B3GALT1: variants seen among roughly 807,000 people sequenced by gnomAD.
The protein encoded by B3GALT1 is beta-1,3-galactosyltransferase 1.
Under a neutral mutation model 23.2 loss-of-function variants are expected in B3GALT1, and 10 were observed. The observed-to-expected ratio is 0.43, with a 90% CI of 0.27 to 0.73. The LOEUF (loss-of-function observed/expected upper bound fraction) is 0.73, where lower values mean the gene tolerates loss of function less well. Among genes scored for constraint, B3GALT1 ranks in the 30% least tolerant of loss-of-function variants. The pLI, the probability that B3GALT1 is intolerant of heterozygous loss-of-function variation, is 0.21. For synonymous variants in B3GALT1, 156 were observed against 141.5 expected, an observed-to-expected ratio of 1.10 and a Z score of -0.73; for missense variants, 299 against 405.4, an observed-to-expected ratio of 0.74 and a Z score of 2.25.
intron 2 of B3GALT1, among the ~76,000 whole-genome samples, chr2:167,539,448 C>T (rs1683497222): frequency 6.6e-6 from 1 of 152,136 alleles, no homozygotes; most frequent in Non-Finnish European, 1.5e-5. Flanking sequence ...CTCAAATAAA[C>T]CCTGAATAAT....
At chr2:167,674,912 C>T (rs1309630239) in intron 3 of B3GALT1, among the ~76,000 whole-genome samples, 3 of 152,052 alleles carry the variant, frequency 2.0e-5, no homozygotes, top group Non-Finnish European at 2.9e-5. Context: ...TACAAAAAGG[C>T]AAAACTGTAA....
At chr2:167,667,486 G>C (rs1425828254) in intron 3 of B3GALT1, among the ~76,000 whole-genome samples, 1 of 152,052 alleles carries the variant, frequency 6.6e-6, no homozygotes, top group East Asian at 1.9e-4. Flanking sequence ...TCCTGAATCT[G>C]AATGTTGGCC....
chr2:167,707,492 G>T lies in B3GALT1; in HGVS notation c.-352+60526G>T, dbSNP rs906024562. On this transcript the variant is annotated intron_variant, in intron 3 of 4. Coordinates refer to ENST00000392690, the MANE Select transcript of B3GALT1 (RefSeq NM_020981.4). ...GTTCTTTCCTGTATACTCTGCAGAA[G>T]AATTTATTTTTCTTATTTTTTTTTT... Among the ~76,000 whole-genome samples, 6 of 131,990 alleles carry T rather than the reference G, an allele frequency of 4.5e-5. No homozygotes were observed. The South Asian group carries it at 1.7e-3, about 38-fold the overall frequency. 86.6% of individuals were successfully genotyped at this position (131,990 alleles called of 152,430 possible).
At chr2:167,714,128 C>T in intron 3 of B3GALT1, 1 of 1,526,508 alleles carries the variant, frequency 6.6e-7, no homozygotes, top group Non-Finnish European at 9.1e-7. Flanking sequence ...TTTATCCAAA[C>T]AAGGCATATT....
intron 1 of B3GALT1, among the ~76,000 whole-genome samples, chr2:167,361,742 C>A (rs1697502935): frequency 6.6e-6 from 1 of 152,116 alleles, no homozygotes; most frequent in Non-Finnish European, 1.5e-5. Flanking sequence ...TTGTTTATCT[C>A]TTTTTTGTTT....
At chr2:167,370,749 A>T (rs2105269264) in intron 1 of B3GALT1, among the ~76,000 whole-genome samples, 1 of 152,216 alleles carries the variant, frequency 6.6e-6, no homozygotes, top group Admixed American at 6.5e-5. Context: ...ACATAGTGAA[A>T]TCTCGTCTCT....
At chr2:167,630,507 ATTG>A (rs1685420890) in intron 2 of B3GALT1, among the ~76,000 whole-genome samples, 1 of 151,742 alleles carries the variant, frequency 6.6e-6, no homozygotes, top group South Asian at 2.1e-4. Flanking sequence ...TTTGACAATT[ATTG>A]TTAATTTTTT....
chr2:167,618,468 A>G (rs111341255), intron 2 of B3GALT1, among the ~76,000 whole-genome samples: 2,453 of 152,078 alleles, frequency 0.016, 82 homozygotes, highest in African/African-American at 0.055. Context: ...GGATACCTCT[A>G]TATGTATTTC....
intron 3 of B3GALT1, among the ~76,000 whole-genome samples, chr2:167,720,002 C>T (rs1311886551): frequency 5.9e-5 from 9 of 151,898 alleles, no homozygotes; most frequent in East Asian, 1.9e-4. Context: ...GAGATACAAC[C>T]GCTGCACTTG....
At chr2:167,561,619 G>T (rs1490708937) in intron 2 of B3GALT1, among the ~76,000 whole-genome samples, 1 of 151,898 alleles carries the variant, frequency 6.6e-6, no homozygotes, top group Non-Finnish European at 1.5e-5. Flanking sequence ...AATGATAAAG[G>T]GGATATCACC....
intron 2 of B3GALT1, among the ~76,000 whole-genome samples, chr2:167,492,889 G>GTGTGTA (rs1337529988): frequency 2.0e-5 from 3 of 151,870 alleles, no homozygotes; most frequent in African/African-American, 7.3e-5. Flanking sequence ...GTGTGTGTGT[G>GTGTGTA]TGTGTGTGTG....
chr2:167,360,166 A>G (rs2105262192), intron 1 of B3GALT1, among the ~76,000 whole-genome samples: 1 of 152,278 alleles, frequency 6.6e-6, no homozygotes, highest in South Asian at 2.1e-4. Context: ...ATGTATTGTG[A>G]CATGTAAACT....
intron 4 of B3GALT1, among the ~76,000 whole-genome samples, chr2:167,821,744 AT>A (rs11349628): frequency 0.26 from 39,162 of 151,846 alleles, 5,515 homozygotes; most frequent in East Asian, 0.56. Flanking sequence ...CTAGGAAGGT[AT>A]TTTTTTTATC....
chr2:167,485,074 C>A (rs1006170553), intron 1 of B3GALT1, among the ~76,000 whole-genome samples: 5 of 152,048 alleles, frequency 3.3e-5, no homozygotes, highest in African/African-American at 1.2e-4. Context: ...ATGTCCAACC[C>A]CCACTTCCCA....
chr2:167,390,742 T>C (rs1198333543), intron 1 of B3GALT1, among the ~76,000 whole-genome samples: 1 of 152,172 alleles, frequency 6.6e-6, no homozygotes, highest in East Asian at 1.9e-4. Flanking sequence ...TACTAATGTC[T>C]CTTGAGGGAA....
At chr2:167,834,666 T>C (rs1249325436) in intron 4 of B3GALT1, among the ~76,000 whole-genome samples, 1 of 152,136 alleles carries the variant, frequency 6.6e-6, no homozygotes, top group African/African-American at 2.4e-5. Flanking sequence ...CTGGCCAATA[T>C]GGCAAAACCC....
At chr2:167,610,018 A>T (rs1298759257) in intron 2 of B3GALT1, among the ~76,000 whole-genome samples, 5 of 152,154 alleles carry the variant, frequency 3.3e-5, no homozygotes, top group Admixed American at 3.3e-4. Flanking sequence ...TATTTCATTT[A>T]AAAAATATAT....
intron 1 of B3GALT1, among the ~76,000 whole-genome samples, chr2:167,321,598 T>G (rs1696811440): frequency 6.6e-6 from 1 of 152,050 alleles, no homozygotes; most frequent in Non-Finnish European, 1.5e-5. Context: ...CCATTGATTC[T>G]TTAACCAGGT....
At chr2:167,659,839 G>A (rs1049141708) in intron 3 of B3GALT1, among the ~76,000 whole-genome samples, 1 of 151,908 alleles carries the variant, frequency 6.6e-6, no homozygotes, top group African/African-American at 2.4e-5. Flanking sequence ...CTTCTTCCTC[G>A]AGTGGATAAA....
Sources: gnomAD v4.1 joint callset for allele counts (sites outside exome capture counted in the v4.1 genomes callset) on GRCh38, gnomAD v4.1.1 for gene constraint, MANE v1.5 for transcripts, NCBI Gene and HGNC (gene_info 2026-07-23, HGNC 2026-07-21) for gene names.